ATP6V1C1: variants seen among roughly 807,000 people sequenced by gnomAD.
ATP6V1C1 encodes ATPase H+ transporting V1 subunit C1.
Under a neutral mutation model 53.9 loss-of-function variants are expected in ATP6V1C1, and 45 were observed. The observed-to-expected ratio is 0.83, with a 90% confidence interval of 0.66 to 1.07. The LOEUF (loss-of-function observed/expected upper bound fraction) is 1.07, where lower values mean the gene tolerates loss of function less well. ATP6V1C1 is among the 50% of genes least tolerant of loss of function. The probability of loss-of-function intolerance (pLI) is 0.00; values close to 1 mark genes in which losing one functional copy is unlikely to be tolerated. For synonymous variants in ATP6V1C1, 153 were observed against 155.2 expected (o/e 0.99, Z 0.11); for missense variants, 315 against 440.3 (o/e 0.72, Z 2.55).
intron 3 of ATP6V1C1, among the ~76,000 whole-genome samples, chr8:103,042,663 A>G (rs1479460524): frequency 1.3e-5 from 2 of 152,214 alleles, no homozygotes; most frequent in Non-Finnish European, 2.9e-5. Context: ...CACCTATTTC[A>G]GGTGTACAAT....
intron 10 of ATP6V1C1, among the ~76,000 whole-genome samples, chr8:103,063,715 G>A (rs376521918): frequency 6.6e-6 from 1 of 152,126 alleles, no homozygotes; most frequent in Non-Finnish European, 1.5e-5. Flanking sequence ...TGTTCTAGGT[G>A]TAATGGGAAA....
intron 1 of ATP6V1C1, among the ~76,000 whole-genome samples, chr8:103,028,209 G>A (rs546996419): frequency 3.9e-4 from 60 of 152,258 alleles, no homozygotes; most frequent in Non-Finnish European, 7.2e-4. Context: ...GCTTAAACTG[G>A]AAGAGAGAAA....
intron 3 of ATP6V1C1, 35 bp from the exon 4 acceptor site, chr8:103,048,835 C>T: frequency 6.4e-7 from 1 of 1,558,856 alleles, no homozygotes; most frequent in East Asian, 2.3e-5. Flanking sequence ...AGATCTTTTT[C>T]CTGAGAATGG....
chr8:103,040,669 T>G, intron 1 of ATP6V1C1, 129 bp from the exon 2 acceptor site: 1 of 759,344 alleles, frequency 1.3e-6, no homozygotes, highest in East Asian at 3.1e-5. Flanking sequence ...TTCACTTTGC[T>G]TGAGATCCTA....
chr8:103,065,426 C>T (rs888220400), intron 11 of ATP6V1C1, among the ~76,000 whole-genome samples: 3 of 152,078 alleles, frequency 2.0e-5, no homozygotes, highest in Admixed American at 1.3e-4. Flanking sequence ...TGGTGGCACG[C>T]GCCTGTAGTG....
At position 103,072,619 on chromosome 8, in the gene ATP6V1C1, A is replaced by AT. The variant is rs1817604105; in HGVS notation, c.*3873dup. On this transcript the variant is annotated 3_prime_UTR_variant, in exon 13 of 13. Coordinates refer to ENST00000518738, the MANE Select transcript of ATP6V1C1 (RefSeq NM_001695.5). ...TATTAATGGTCTTTATTTTTCTAGC[A>AT]TAGATAACAATTGATTCTTTAGATT... The AT allele has an allele frequency of 6.6e-6, 1 of 152,226 alleles. No individual in the cohort carries two copies. The highest frequency in any genetic ancestry group is 1.5e-5 in the Non-Finnish European group (1 of 68,050). The allele number at this position is 152,226 out of a possible 1,614,324, so 9.4% of individuals were successfully genotyped here.
At position 103,071,338 on chromosome 8, in the gene ATP6V1C1, T is replaced by C. The variant is rs1817582824; in HGVS notation, c.*2591T>C. The C allele has an allele frequency of 6.6e-6, 1 of 152,174 alleles. No individual in the cohort carries two copies. The highest frequency in any genetic ancestry group is 1.5e-5 in the Non-Finnish European group (1 of 68,056). 9.4% of individuals were successfully genotyped at this position (152,174 alleles called of 1,614,324 possible). A position where few individuals can be genotyped will look rare whatever the true frequency, so the allele number is the denominator to read the frequency against. On this transcript the variant is annotated 3_prime_UTR_variant, in exon 13 of 13. Coordinates refer to ENST00000518738, the MANE Select transcript of ATP6V1C1 (RefSeq NM_001695.5). ...TCCCGGCCCCTCCCCGTGTTGTTCA[T>C]GGAGGGAGTACTGGCGGTCCCCATT... is the stretch of plus-strand genomic sequence containing the variant.
chr8:103,021,747 A>G (rs778772591), intron 1 of ATP6V1C1, among the ~76,000 whole-genome samples: 24 of 152,128 alleles, frequency 1.6e-4, no homozygotes, highest in Admixed American at 6.6e-5. Flanking sequence ...GGAATGAGAA[A>G]GAACAGGAAT....
chr8:103,062,920 A>G (rs1183846960), intron 8 of ATP6V1C1, 35 bp from the exon 9 acceptor site: 5 of 1,591,554 alleles, frequency 3.1e-6, no homozygotes, highest in Non-Finnish European at 4.3e-6. Context: ...AGCAATACGT[A>G]TAAATCTTTA....
chr8:103,052,049 GT>G (rs1398866686), intron 5 of ATP6V1C1, among the ~76,000 whole-genome samples: 1 of 152,028 alleles, frequency 6.6e-6, no homozygotes, highest in Non-Finnish European at 1.5e-5. Flanking sequence ...ATAAAGTGGT[GT>G]TCTTACTATG....
intron 1 of ATP6V1C1, among the ~76,000 whole-genome samples, chr8:103,031,035 T>C (rs142899199): frequency 8.3e-4 from 127 of 152,176 alleles, no homozygotes; most frequent in African/African-American, 2.4e-3. Context: ...CTCCCCTAAC[T>C]TACCTGCCCA....
intron 2 of ATP6V1C1, among the ~76,000 whole-genome samples, chr8:103,041,258 A>G (rs1258841370): frequency 3.3e-5 from 5 of 152,232 alleles, no homozygotes; most frequent in Non-Finnish European, 5.9e-5. Flanking sequence ...TAAAACTCTT[A>G]GTAATATATA....
intron 7 of ATP6V1C1, among the ~76,000 whole-genome samples, chr8:103,055,195 A>G (rs1439545510): frequency 6.6e-6 from 1 of 152,166 alleles, no homozygotes; most frequent in African/African-American, 2.4e-5. Context: ...ACCTTTATTT[A>G]AAACTTGGGT....
chr8:103,070,582 T>A lies in ATP6V1C1; in HGVS notation c.*1835T>A, dbSNP rs937415930. On this transcript the variant is annotated 3_prime_UTR_variant, in exon 13 of 13. Coordinates refer to ENST00000518738, the MANE Select transcript of ATP6V1C1 (RefSeq NM_001695.5). The stretch of plus-strand genomic sequence containing the variant: ...TCTCTCTATCATGGGGGGGCATGTT[T>A]TGACATTAAATTGACTTTTAAGAAA... 2.0e-5 allele frequency: 3 copies of A among 152,208 alleles called. No individual in the cohort carries two copies. The highest frequency in any genetic ancestry group is 4.4e-5 in the Non-Finnish European group (3 of 68,028). 9.4% of individuals were successfully genotyped at this position (152,208 alleles called of 1,614,324 possible).
At chr8:103,061,055 A>C (rs533511361) in intron 8 of ATP6V1C1, among the ~76,000 whole-genome samples, 61 of 152,348 alleles carry the variant, frequency 4.0e-4, no homozygotes, top group African/African-American at 1.3e-3. Flanking sequence ...AGCAGTTCAC[A>C]CATCACTGAG....
At position 103,068,716 on chromosome 8, in the gene ATP6V1C1, A is replaced by G. The variant is rs200047712; in HGVS notation, c.1118A>G (p.Lys373Arg). The change falls in exon 13 of 13, where the codon AAG (lysine) becomes AGG (arginine). Residue 373 changes from lysine (K) to arginine (R), a missense_variant. Lys to Arg is a conservative substitution (Grantham distance 26). Coordinates refer to ENST00000518738, the MANE Select transcript of ATP6V1C1 (RefSeq NM_001695.5). Reference protein sequence around the residue: ...QQEYYPYVYYKIDCNLLEFK With the variant: ...QQEYYPYVYYRIDCNLLEFK The stretch of plus-strand genomic sequence containing the variant: ...GAATACTACCCCTATGTGTACTACA[A>G]GATTGATTGCAACTTGCTGGAATTC... 2.3e-5 allele frequency: 37 copies of G among 1,610,374 alleles called. No individual in the cohort carries two copies. Among genetic ancestry groups the G allele is most frequent in the Non-Finnish European group, 2.8e-5 (33 of 1,178,362 alleles).
At chr8:103,045,427 A>G (rs918024325) in intron 3 of ATP6V1C1, among the ~76,000 whole-genome samples, 2 of 152,186 alleles carry the variant, frequency 1.3e-5, no homozygotes, top group African/African-American at 4.8e-5. Flanking sequence ...AGGTTAGTTA[A>G]GAGATAGTAA....
Position 103,063,345 on chromosome 8 carries a change from GT to G in ATP6V1C1, c.828+128del, listed in dbSNP as rs1010451564. 4,334 of 499,128 alleles carry G rather than the reference GT, an allele frequency of 8.7e-3. 4 individuals carry two copies. Among genetic ancestry groups the G allele is most frequent in the African/African-American group, 0.015 (719 of 49,120 alleles). The allele number at this position is 499,128 out of a possible 1,614,324, so 30.9% of individuals were successfully genotyped here. ...TTTGGTTTTAAGACATTTGATTTTA[GT>G]TTTTTTTTTTAATTGAATAATCAGA... is the stretch of plus-strand genomic sequence containing the variant. On this transcript the variant is annotated intron_variant, in intron 10 of 12. Transcript: ENST00000518738.
intron 1 of ATP6V1C1, among the ~76,000 whole-genome samples, chr8:103,028,888 C>T (rs918481082): frequency 1.3e-5 from 2 of 152,170 alleles, no homozygotes; most frequent in African/African-American, 4.8e-5. Flanking sequence ...TGTATGAACT[C>T]CAGGGCTCTT....
Sources: allele counts gnomAD v4.1 joint callset (sites outside exome capture counted in the v4.1 genomes callset), GRCh38; gene constraint gnomAD v4.1.1; transcripts MANE v1.5; gene names NCBI Gene and HGNC (gene_info 2026-07-23, HGNC 2026-07-21).